WDR24: variants seen among roughly 807,000 people sequenced by gnomAD.
WDR24 encodes the protein WD repeat domain 24.
In WDR24, 32 loss-of-function variants were observed where a neutral mutation model predicts 66.7. That is an observed-to-expected ratio of 0.48 (90% CI 0.36 to 0.64). WDR24 has a LOEUF of 0.64. Among genes scored for constraint, WDR24 ranks in the 30% least tolerant of loss-of-function variants. The probability of loss-of-function intolerance (pLI) is 0.00; values close to 1 mark genes in which losing one functional copy is unlikely to be tolerated. For synonymous variants in WDR24, 565 were observed against 469.1 expected (o/e 1.20, Z -2.64); for missense variants, 978 against 1,144.1 (o/e 0.85, Z 2.09).
intron 2 of WDR24, 54 bp from the exon 3 acceptor site, chr16:687,470 AC>A (rs570458681): frequency 5.2e-5 from 82 of 1,568,888 alleles, no homozygotes; most frequent in Non-Finnish European, 6.4e-5. Flanking sequence ...CAGAGAGGGG[AC>A]CCCCCCGCTC....
chr16:687,075 G>C lies in WDR24; in HGVS notation c.1001C>G (p.Pro334Arg). The change falls in exon 3 of 9, where the codon CCC becomes CGC. Residue 334 changes from proline (P) to arginine (R), a missense_variant. Pro to Arg is a moderately radical substitution (Grantham distance 103). Coordinates refer to ENST00000293883, the MANE Select transcript of WDR24 (RefSeq NM_032259.4). ...GCCCTCAGGGTTGGCGCGCTCGACG[G>C]GCTGGCTGGCGTCGCGGAACAGGTG... ...CQHLFRDASQ[P>R]VERANPEGLC... 1 of 1,607,016 alleles carries C rather than the reference G, an allele frequency of 6.2e-7. No individual in the cohort carries two copies. Among genetic ancestry groups the C allele is most frequent in the Non-Finnish European group, 8.5e-7 (1 of 1,179,200 alleles).
intron 1 of WDR24, 39 bp from the exon 2 acceptor site, chr16:687,778 T>C (rs1204958016): frequency 1.9e-6 from 3 of 1,600,562 alleles, no homozygotes; most frequent in Non-Finnish European, 2.6e-6. Context: ...GTGACGGGGC[T>C]GGCCCATGAG....
rs77763943 is a variant in WDR24, at chr16:686,777, G to A, written c.1299C>T (p.Asn433=). The change falls in exon 3 of 9, where the codon AAC becomes AAT. Residue 433 remains asparagine, a synonymous_variant. Coordinates refer to ENST00000293883, the MANE Select transcript of WDR24 (RefSeq NM_032259.4). The stretch of plus-strand genomic sequence containing the variant: ...GGCCAAGCTCTCGAGCCACCTTTGC[G>A]TTGTGGTCACAGAGCTCGGCCAGTG... The part of the protein sequence containing the change: ...GRPLAELCDH[N]AKVARELGRN... 3.3e-3 allele frequency: 5,300 copies of A among 1,607,216 alleles called. 152 individuals carry two copies. The African/African-American group carries it at 0.062, about 19-fold the overall frequency.
In WDR24 at chr16:684,828, CA is replaced by C. The variant is rs1222489436; in HGVS notation, c.2278del (p.Cys760AlafsTer11). 6.4e-7 allele frequency: 1 copy of C among 1,566,608 alleles called. No individual in the cohort carries two copies. The highest frequency in any genetic ancestry group is 1.2e-5 in the South Asian group (1 of 85,474). The part of the protein sequence containing the change: ...VKGLFVWCQG[C>X]SHGGHLQHIM... ...GTGCTGCAGGTGGCCGCCGTGGCTG[CA>C]GCCCTGGCACCACACGAAGAGACCC... is the stretch of plus-strand genomic sequence containing the variant. On this transcript the variant is annotated frameshift_variant, in exon 9 of 9. Coordinates refer to ENST00000293883, the MANE Select transcript of WDR24 (RefSeq NM_032259.4). LOFTEE classifies it high-confidence loss of function.
chr16:686,240 C>A, intron 3 of WDR24, 54 bp from the exon 4 acceptor site: 2 of 1,584,212 alleles, frequency 1.3e-6, no homozygotes, highest in Non-Finnish European at 8.6e-7. Context: ...GCACCCCATG[C>A]AGGTCCCTCT....
intron 3 of WDR24, 102 bp from the exon 4 acceptor site, chr16:686,288 C>G: frequency 7.5e-7 from 1 of 1,333,444 alleles, no homozygotes; most frequent in Non-Finnish European, 1.0e-6. Flanking sequence ...ATTCAGCTGC[C>G]CTCAGTACCC....
In WDR24 at chr16:690,255, G is replaced by C. The variant is rs2039951020; in HGVS notation, c.-615C>G. 1.7e-5 allele frequency: 7 copies of C among 419,238 alleles called. No homozygotes were observed. Among genetic ancestry groups the C allele is most frequent in the South Asian group, 1.0e-4 (6 of 58,946 alleles). 26.0% of individuals were successfully genotyped at this position (419,238 alleles called of 1,614,324 possible). ...AGAAGCCGGCGACCCCGGAGTACAGGGTTCCTGGGAGCGGCGCAGTGGCGC... is the reference window on the plus strand; with the variant it reads ...AGAAGCCGGCGACCCCGGAGTACAGCGTTCCTGGGAGCGGCGCAGTGGCGC... On this transcript the variant is annotated 5_prime_UTR_variant, in exon 1 of 9. Transcript: ENST00000293883.
rs749653258 is a variant in WDR24 at position 687,681 on chromosome 16, G to C, written c.540C>G (p.Ala180=). The change falls in exon 2 of 9, where the codon GCC becomes GCG. Residue 180 remains alanine (A), a synonymous_variant. Coordinates refer to ENST00000293883, the MANE Select transcript of WDR24 (RefSeq NM_032259.4). ...QFSIRDYFTF[A]STFENGNVQL... ...GCACATTGCCGTTCTCAAAGGTGGAGGCGAAGGTGAAGTAGTCCCGGATAC... is the reference window on the plus strand; with the variant it reads ...GCACATTGCCGTTCTCAAAGGTGGACGCGAAGGTGAAGTAGTCCCGGATAC... The C allele has an allele frequency of 6.2e-7, 1 of 1,613,686 alleles. No homozygotes were observed. Among genetic ancestry groups the C allele is most frequent in the South Asian group, 1.1e-5 (1 of 91,088 alleles).
intron 1 of WDR24, 34 bp from the exon 2 acceptor site, chr16:687,773 G>A (rs758037400): frequency 1.2e-5 from 19 of 1,603,130 alleles, no homozygotes; most frequent in South Asian, 2.2e-5. Flanking sequence ...GGGAAGTGAC[G>A]GGGCTGGCCC....
rs996413409 is a variant in WDR24, at chr16:686,967, G to A, written c.1109C>T (p.Thr370Ile). The A allele has an allele frequency of 6.2e-7, 1 of 1,600,292 alleles. No individual in the cohort carries two copies. The change falls in exon 3 of 9, where the codon ACT (threonine) becomes ATT (isoleucine). Residue 370 changes from threonine to isoleucine, a missense_variant. Physicochemically the swap from Thr to Ile is moderately conservative, Grantham distance 89. Coordinates refer to ENST00000293883, the MANE Select transcript of WDR24 (RefSeq NM_032259.4). ...GAAGATGGGGTGGCGCCGGTCGCCAGTGTAGGGCTTGCGCCCCGACTCGGC... is the reference window on the plus strand; with the variant it reads ...GAAGATGGGGTGGCGCCGGTCGCCAATGTAGGGCTTGCGCCCCGACTCGGC... ...VAAESGRKPY[T>I]GDRRHPIFFK...
chr16:687,830 C>T lies in WDR24; in HGVS notation c.482-91G>A, dbSNP rs553207972. 1.7e-5 allele frequency: 26 copies of T among 1,508,896 alleles called. No homozygotes were observed. In the African/African-American group the frequency reaches 2.5e-4, roughly 14 times the overall value. The allele number at this position is 1,508,896 out of a possible 1,614,324, so 93.5% of individuals were successfully genotyped here. A position where few individuals can be genotyped will look rare whatever the true frequency, so the allele number is the denominator to read the frequency against. ...GCTGTGGCATGGTGTCACACACCTG[C>T]CTGTGGCCCAGAACAGAGGCCCAGA... On this transcript the variant is annotated intron_variant, in intron 1 of 8. Transcript: ENST00000293883.
chr16:690,278 C>T lies in WDR24; in HGVS notation c.-638G>A. The T allele has an allele frequency of 2.3e-6, 1 of 437,666 alleles. No homozygotes were observed. The highest frequency in any genetic ancestry group is 4.6e-6 in the Non-Finnish European group (1 of 217,070). The allele number at this position is 437,666 out of a possible 1,614,324, so 27.1% of individuals were successfully genotyped here. On this transcript the variant is annotated 5_prime_UTR_variant, in exon 1 of 9. Transcript: ENST00000293883. ...AGGGTTCCTGGGAGCGGCGCAGTGG[C>T]GCGGGGGAGCGGACGCTGCGGGACG... is the stretch of plus-strand genomic sequence containing the variant.
chr16:684,966 C>T, intron 8 of WDR24, 26 bp downstream of exon 8: 4 of 1,538,360 alleles, frequency 2.6e-6, no homozygotes, highest in Non-Finnish European at 2.6e-6. Context: ...AGGCCCCTGC[C>T]CCACCTCCCG....
rs1421166505 is a variant in WDR24 at position 689,954 on chromosome 16, C to T, written c.-314G>A. 1.0e-5 allele frequency: 6 copies of T among 590,950 alleles called. No homozygotes were observed. The highest frequency in any genetic ancestry group is 1.9e-5 in the Non-Finnish European group (6 of 313,834). The allele number at this position is 590,950 out of a possible 1,614,324, so 36.6% of individuals were successfully genotyped here. The stretch of plus-strand genomic sequence containing the variant: ...ACGGAAGACTCTAGCTGGACATTCC[C>T]GGCCCAGGCCACCTCTCGGTACCCC... On this transcript the variant is annotated 5_prime_UTR_variant, in exon 1 of 9. Coordinates refer to ENST00000293883, the MANE Select transcript of WDR24 (RefSeq NM_032259.4).
chr16:686,846 G>A lies in WDR24; in HGVS notation c.1230C>T (p.Arg410=), dbSNP rs932556529. Reference sequence around the variant, plus strand: ...AACGCTCAGCTGTGTCCACAAACCAGCGCATGCCGCCGCCACCTGGCTCCG... The same window carrying A: ...AACGCTCAGCTGTGTCCACAAACCAACGCATGCCGCCGCCACCTGGCTCCG... ...FETEPGGGGM[R]WFVDTAERYA... is the part of the protein sequence containing the mutation. Residue 410 remains arginine (R), a synonymous_variant, in exon 3 of 9, where the codon CGC becomes CGT. Transcript: ENST00000293883. 6.2e-7 allele frequency: 1 copy of A among 1,611,396 alleles called. No individual in the cohort carries two copies. Among genetic ancestry groups the A allele is most frequent in the Non-Finnish European group, 8.5e-7 (1 of 1,179,824 alleles).
At chr16:689,095 C>A (rs965804307) in intron 1 of WDR24, 65 bp downstream of exon 1, 4 of 1,585,406 alleles carry the variant, frequency 2.5e-6, no homozygotes, top group East Asian at 2.2e-5. Context: ...CCTTTTCCGC[C>A]TGCATGGACA....
Position 689,783 on chromosome 16 carries a change from G to T in WDR24, c.-143C>A. ...GTCCCGGGCTGGTCAGTCTTAGTGA[G>T]CCAATCCAGGGCTGTCTATCAGCCA... On this transcript the variant is annotated 5_prime_UTR_variant, in exon 1 of 9. Coordinates refer to ENST00000293883, the MANE Select transcript of WDR24 (RefSeq NM_032259.4). The T allele has an allele frequency of 7.7e-7, 1 of 1,295,004 alleles. No individual in the cohort carries two copies. Among genetic ancestry groups the T allele is most frequent in the Non-Finnish European group, 1.1e-6 (1 of 942,214 alleles). The allele number at this position is 1,295,004 out of a possible 1,614,324, so 80.2% of individuals were successfully genotyped here.
In WDR24 at chr16:684,675, G is replaced by C; in HGVS notation, c.*59C>G. The C allele has an allele frequency of 6.7e-7, 1 of 1,500,324 alleles. No homozygotes were observed. Among genetic ancestry groups the C allele is most frequent in the South Asian group, 1.3e-5 (1 of 78,076 alleles). 92.9% of individuals were successfully genotyped at this position (1,500,324 alleles called of 1,614,324 possible). On this transcript the variant is annotated 3_prime_UTR_variant, in exon 9 of 9. Coordinates refer to ENST00000293883, the MANE Select transcript of WDR24 (RefSeq NM_032259.4). ...AAGTTCCAGCCTCCGCCCGTCTCGG[G>C]CACAAGACCAGGCGGGGTTCTGCAC...
chr16:687,230 G>A lies in WDR24; in HGVS notation c.846C>T (p.Asp282=), dbSNP rs139407776. Residue 282 remains aspartate (D), a synonymous_variant, in exon 3 of 9, where the codon GAC becomes GAT. Transcript: ENST00000293883. ...MMVDHNIYVW[D]VRRPFVPAAM... is the part of the protein sequence containing the mutation. ...CAGCTGGCACGAAGGGCCGGCGCAC[G>A]TCCCAAACATAGATGTTGTGGTCCA... 1.0e-4 allele frequency: 168 copies of A among 1,612,496 alleles called. No individual in the cohort carries two copies. The highest frequency in any genetic ancestry group is 2.1e-4 in the African/African-American group (16 of 75,078).
Sources: allele counts gnomAD v4.1 joint callset, GRCh38; gene constraint gnomAD v4.1.1; transcripts MANE v1.5; gene names NCBI Gene and HGNC (gene_info 2026-07-23, HGNC 2026-07-21).